CHIC2: variants seen among roughly 807,000 people sequenced by gnomAD.
CHIC2 encodes cysteine rich hydrophobic domain 2, also known as cysteine-rich hydrophobic domain-containing protein 2.
CHIC2 carries 14 observed loss-of-function variants against 25.9 expected under a neutral mutation model. The ratio of observed to expected loss-of-function variants is 0.54; its 90% confidence interval spans 0.36 to 0.85. The LOEUF is 0.85. CHIC2 is among the 40% of genes least tolerant of loss of function. The pLI is 0.01. For missense variants in CHIC2, 146 were observed against 202.0 expected (o/e 0.72, Z 1.68); for synonymous variants, 70 against 72.0 (o/e 0.97, Z 0.14).
chr4:54,041,163 T>C (rs913588233), intron 3 of CHIC2, among the ~76,000 whole-genome samples: 17 of 151,540 alleles, frequency 1.1e-4, no homozygotes, highest in African/African-American at 3.9e-4. Context: ...AGGGGATGGA[T>C]TTTGAAGGCA....
At position 54,025,382 on chromosome 4, in the gene CHIC2, C is replaced by CT. The variant is rs1283360342; in HGVS notation, c.331-11264dup. 2.0e-5 allele frequency among the ~76,000 whole-genome samples: 3 copies of CT among 152,270 alleles called. No homozygotes were observed. The East Asian group carries it at 5.8e-4, about 29-fold the overall frequency. On this transcript the variant is annotated intron_variant, in intron 3 of 5. Transcript: ENST00000263921. ...CACCCCCGCCCACAAAACATTGCTC[C>CT]TAACTCCACTGCCTATCCCAAAATC...
At position 54,064,375 on chromosome 4, in the gene CHIC2, G is replaced by C; in HGVS notation, c.-75C>G. 1 of 1,583,944 alleles carries C rather than the reference G, an allele frequency of 6.3e-7. No individual in the cohort carries two copies. The stretch of plus-strand genomic sequence containing the variant: ...CGCCGGGGTACCGGCGGGCGAGGCG[G>C]CGGAGGCTGAGGGGAGTCGCCGCTG... On this transcript the variant is annotated 5_prime_UTR_variant, in exon 1 of 6. Transcript: ENST00000263921. The surrounding 1 kb of genome is among the most constrained non-coding windows in gnomAD (Gnocchi z 4.2).
At chr4:54,026,850 A>G (rs534403703) in intron 3 of CHIC2, among the ~76,000 whole-genome samples, 70 of 152,260 alleles carry the variant, frequency 4.6e-4, no homozygotes, top group African/African-American at 1.6e-3. Flanking sequence ...TTAAAATCTT[A>G]ATGGTTTCAT....
chr4:54,079,161 G>A, the CHIC2 span, among the ~76,000 whole-genome samples: 1 of 152,056 alleles, frequency 6.6e-6, no homozygotes, highest in African/African-American at 2.4e-5. Context: ...AGGTTGCAGT[G>A]AGCTGAGATT....
intron 3 of CHIC2, among the ~76,000 whole-genome samples, chr4:54,042,366 A>G (rs1352375829): frequency 6.6e-6 from 1 of 152,224 alleles, no homozygotes; most frequent in Non-Finnish European, 1.5e-5. Context: ...TACATCTCAC[A>G]TAAGAAGGAA....
In CHIC2 at chr4:54,042,470, C is replaced by A. The variant is rs568990450; in HGVS notation, c.330+6485G>T. Reference sequence around the variant, plus strand: ...TTTTCTAAATACACCGTACACACTGCAACATCTTATTACTCATTTAAAGGT... The same window carrying A: ...TTTTCTAAATACACCGTACACACTGAAACATCTTATTACTCATTTAAAGGT... On this transcript the variant is annotated intron_variant, in intron 3 of 5. Transcript: ENST00000263921. 2.0e-4 allele frequency among the ~76,000 whole-genome samples: 31 copies of A among 152,224 alleles called. No homozygotes were observed. The South Asian group carries it at 5.6e-3, about 28-fold the overall frequency.
the CHIC2 span, among the ~76,000 whole-genome samples, chr4:54,076,470 G>T: frequency 6.6e-6 from 1 of 152,060 alleles, no homozygotes; most frequent in South Asian, 2.1e-4. Flanking sequence ...AAAGCTAACT[G>T]GTTTTACTCA....
At chr4:54,070,611 CGG>C in the CHIC2 span, among the ~76,000 whole-genome samples, 10 of 152,036 alleles carry the variant, frequency 6.6e-5, no homozygotes, top group Non-Finnish European at 1.2e-4. Flanking sequence ...TTAGTAGAGA[CGG>C]GGTTTCACCG....
the CHIC2 span, among the ~76,000 whole-genome samples, chr4:54,074,726 T>C: frequency 6.6e-6 from 1 of 152,184 alleles, no homozygotes; most frequent in Non-Finnish European, 1.5e-5. Context: ...ATTCATACTT[T>C]TCAAATTTCT....
At chr4:54,087,781 C>CT in the CHIC2 span, 1 of 450,418 alleles carries the variant, frequency 2.2e-6, no homozygotes, top group Non-Finnish European at 4.1e-6. Context: ...CCACAAAGCC[C>CT]TGTGCTGGTC....
Position 54,064,183 on chromosome 4 carries a change from C to T in CHIC2, c.118G>A (p.Val40Ile), listed in dbSNP as rs1334553464. ...VVVRGSGHVT[V>I]FGLSNKFESE... ...CCCTCGCCCTCCTCCGGGCCTTACACGGTGACGTGACCGGAGCCGCGGACG... is the reference window on the plus strand; with the variant it reads ...CCCTCGCCCTCCTCCGGGCCTTACATGGTGACGTGACCGGAGCCGCGGACG... The change falls in exon 1 of 6, where the codon GTA becomes ATA. Residue 40 changes from valine to isoleucine, a missense_variant and splice_region_variant. Coordinates refer to ENST00000263921, the MANE Select transcript of CHIC2 (RefSeq NM_012110.4). This position sits in a 1 kb window ranked among gnomAD's most constrained non-coding sequence, Gnocchi z 4.2. 6.2e-7 allele frequency: 1 copy of T among 1,602,574 alleles called. No individual in the cohort carries two copies. Among genetic ancestry groups the T allele is most frequent in the Non-Finnish European group, 8.5e-7 (1 of 1,174,692 alleles).
chr4:54,059,784 T>TCA (rs371743517), intron 1 of CHIC2: 1 of 152,162 alleles, frequency 6.6e-6, no homozygotes, highest in African/African-American at 2.4e-5. Context: ...TACAATTACT[T>TCA]CATTCATTTA....
At chr4:54,075,697 G>T in the CHIC2 span, among the ~76,000 whole-genome samples, 23 of 152,218 alleles carry the variant, frequency 1.5e-4, no homozygotes, top group East Asian at 4.5e-3. Context: ...GGGATTACAG[G>T]CACCTGCCAC....
chr4:54,010,748 T>C (rs1011046012), intron 5 of CHIC2, among the ~76,000 whole-genome samples: 1 of 152,120 alleles, frequency 6.6e-6, no homozygotes, highest in East Asian at 1.9e-4. Context: ...TTCTTTAGAC[T>C]TTCTCCTTTT....
intron 3 of CHIC2, among the ~76,000 whole-genome samples, chr4:54,035,000 T>C (rs1368771399): frequency 6.6e-6 from 1 of 152,222 alleles, no homozygotes; most frequent in Non-Finnish European, 1.5e-5. Flanking sequence ...TTGTGTGGTT[T>C]TTCTTTTTAG....
the CHIC2 span, among the ~76,000 whole-genome samples, chr4:54,070,361 A>G: frequency 6.6e-6 from 1 of 152,146 alleles, no homozygotes; most frequent in African/African-American, 2.4e-5. Flanking sequence ...AGGCAGTGAC[A>G]TTATCAGATG....
chr4:54,052,482 A>G (rs1717031463), intron 1 of CHIC2, among the ~76,000 whole-genome samples: 1 of 152,158 alleles, frequency 6.6e-6, no homozygotes, highest in Non-Finnish European at 1.5e-5. Context: ...CTGGTTCAGC[A>G]CAGTATTAGA....
chr4:54,083,833 A>G, the CHIC2 span, among the ~76,000 whole-genome samples: 1 of 152,048 alleles, frequency 6.6e-6, no homozygotes, highest in Non-Finnish European at 1.5e-5. Context: ...AAGACCATTC[A>G]TCTTACTACA....
At chr4:54,066,759 C>T (rs1717528700), upstream of CHIC2, among the ~76,000 whole-genome samples, 1 of 152,004 alleles carries the variant, frequency 6.6e-6, no homozygotes, top group Non-Finnish European at 1.5e-5. Flanking sequence ...TGAATTTCCT[C>T]CTTGGCAGGA....
Sources: gnomAD v4.1 joint callset for allele counts (sites outside exome capture counted in the v4.1 genomes callset) on GRCh38, gnomAD v4.1.1 for gene constraint, Gnocchi (gnomAD v3.1) non-coding constraint, MANE v1.5 for transcripts, NCBI Gene and HGNC (gene_info 2026-07-23, HGNC 2026-07-21) for gene names.